SCGB2B2: variants seen among roughly 807,000 people sequenced by gnomAD.
SCGB2B2 encodes secretoglobin family 2B member 2.
SCGB2B2 carries 11 observed loss-of-function variants against 7.6 expected under a neutral mutation model. That is an observed-to-expected ratio of 1.45 (90% CI 0.91 to 2.40). The LOEUF (loss-of-function observed/expected upper bound fraction) is 2.40, where lower values mean the gene tolerates loss of function less well. SCGB2B2 is among the 30% of genes most tolerant of loss of function. The probability of loss-of-function intolerance (pLI) is 0.00; values close to 1 mark genes in which losing one functional copy is unlikely to be tolerated. For missense variants in SCGB2B2, 104 were observed against 115.4 expected (o/e 0.90, Z 0.45); for synonymous variants, 50 against 48.6 (o/e 1.03, Z -0.12).
At chr19:34,602,261 GT>G (rs2065647181) in intron 1 of SCGB2B2, among the ~76,000 whole-genome samples, 1 of 152,120 alleles carries the variant, frequency 6.6e-6, no homozygotes. Context: ...ATTTTTCAAT[GT>G]GAAACCTGGC....
intron 1 of SCGB2B2, among the ~76,000 whole-genome samples, chr19:34,634,422 G>C (rs533230923): frequency 5.0e-4 from 76 of 152,304 alleles, no homozygotes; most frequent in African/African-American, 1.8e-3. Context: ...TCAGGTAAGA[G>C]CCTTGGGCAG....
At chr19:34,655,320 G>T (rs557326595) in intron 1 of SCGB2B2, among the ~76,000 whole-genome samples, 1 of 151,156 alleles carries the variant, frequency 6.6e-6, no homozygotes, top group Non-Finnish European at 1.5e-5. Context: ...AAATCTATTC[G>T]TTCTGAAGCC....
At chr19:34,605,176 T>C (rs1166549282) in intron 1 of SCGB2B2, among the ~76,000 whole-genome samples, 1 of 152,238 alleles carries the variant, frequency 6.6e-6, no homozygotes, top group African/African-American at 2.4e-5. Context: ...CTTATAATCT[T>C]TTGGCTTCAT....
At chr19:34,667,386 G>A (rs1333705254) in intron 1 of SCGB2B2, among the ~76,000 whole-genome samples, 5 of 151,694 alleles carry the variant, frequency 3.3e-5, no homozygotes, top group African/African-American at 9.7e-5. Flanking sequence ...CAGGCACCTC[G>A]AATCTCTGCC....
intron 1 of SCGB2B2, among the ~76,000 whole-genome samples, chr19:34,649,390 T>C (rs559848920): frequency 6.6e-6 from 1 of 152,338 alleles, no homozygotes; most frequent in African/African-American, 2.4e-5. Context: ...GTTTGGAGTT[T>C]CAGTGTTAAC....
chr19:34,673,655 T>C (rs2067854623), intron 1 of SCGB2B2, among the ~76,000 whole-genome samples: 1 of 152,176 alleles, frequency 6.6e-6, no homozygotes. Context: ...ATTATTACAG[T>C]ATTCATTTAA....
chr19:34,631,867 T>G (rs1257028110), intron 1 of SCGB2B2: 1 of 152,104 alleles, frequency 6.6e-6, no homozygotes, highest in Non-Finnish European at 1.5e-5. Context: ...AGGAATACAT[T>G]GCCTGATTTA....
intron 1 of SCGB2B2, among the ~76,000 whole-genome samples, chr19:34,672,816 C>T (rs1450304112): frequency 2.0e-5 from 3 of 152,152 alleles, no homozygotes; most frequent in Non-Finnish European, 2.9e-5. Context: ...CTTCCATAAC[C>T]TCACATGGCA....
At position 34,594,322 on chromosome 19, in the gene SCGB2B2, A is replaced by T; in HGVS notation, c.99T>A (p.Asn33Lys). The change falls in exon 3 of 4, where the codon AAT becomes AAA. Residue 33 changes from asparagine to lysine, a missense_variant. Asn to Lys is a moderately conservative substitution (Grantham distance 94). Transcript: ENST00000601241. ...GGTCTTGGGACACATCAAACACAACATTCGCAAGCAGTTTATCGATATCCA... is the reference window on the plus strand; with the variant it reads ...GGTCTTGGGACACATCAAACACAACTTTCGCAAGCAGTTTATCGATATCCA... Reference protein sequence around the residue: ...ACLDIDKLLANVVFDVSQDLL... With the variant: ...ACLDIDKLLAKVVFDVSQDLL... The T allele has an allele frequency of 6.2e-7, 1 of 1,614,162 alleles. No individual in the cohort carries two copies. The highest frequency in any genetic ancestry group is 8.5e-7 in the Non-Finnish European group (1 of 1,180,014).
intron 1 of SCGB2B2, among the ~76,000 whole-genome samples, chr19:34,598,760 C>A (rs1400996570): frequency 6.6e-6 from 1 of 152,224 alleles, no homozygotes; most frequent in African/African-American, 2.4e-5. Context: ...TGAGACAGGG[C>A]TGGGGCTGGT....
intron 1 of SCGB2B2, among the ~76,000 whole-genome samples, chr19:34,597,727 GACA>G (rs985170999): frequency 2.0e-4 from 30 of 152,226 alleles, no homozygotes; most frequent in African/African-American, 6.0e-4. Context: ...TCAGAGGGAA[GACA>G]ACAATTATTT....
At chr19:34,664,126 A>G (rs1241616470) in intron 1 of SCGB2B2, among the ~76,000 whole-genome samples, 1 of 152,174 alleles carries the variant, frequency 6.6e-6, no homozygotes, top group Non-Finnish European at 1.5e-5. Flanking sequence ...CTCCTCCCCT[A>G]GTGTCAACCT....
intron 1 of SCGB2B2, among the ~76,000 whole-genome samples, chr19:34,622,978 T>C (rs972550054): frequency 1.4e-4 from 22 of 151,854 alleles, no homozygotes; most frequent in African/African-American, 4.1e-4. Flanking sequence ...GGTTTGGCTA[T>C]AGTCCTTTGT....
chr19:34,596,502 G>A lies in SCGB2B2; in HGVS notation c.-1939C>T, dbSNP rs2065459394. ...CTGGCAGGATTCCACCCACTATGTG[G>A]GGTGGAGGGTCTGTGATTATATGAA... On this transcript the variant is annotated 5_prime_UTR_variant, in exon 2 of 4. Coordinates refer to ENST00000601241, the MANE Select transcript of SCGB2B2 (RefSeq NM_001025591.4). 1 of 152,526 alleles carries A rather than the reference G, an allele frequency of 6.6e-6. No individual in the cohort carries two copies. Among genetic ancestry groups the A allele is most frequent in the Non-Finnish European group, 1.5e-5 (1 of 68,138 alleles). The allele number at this position is 152,526 out of a possible 1,614,324, so 9.4% of individuals were successfully genotyped here. A position where few individuals can be genotyped will look rare whatever the true frequency, so the allele number is the denominator to read the frequency against.
intron 1 of SCGB2B2, among the ~76,000 whole-genome samples, chr19:34,673,083 C>G (rs2067840948): frequency 6.6e-6 from 1 of 152,180 alleles, no homozygotes; most frequent in Admixed American, 6.5e-5. Context: ...AAAATGTGCC[C>G]TTGACCAGAT....
chr19:34,645,541 G>GAC (rs112676925), intron 1 of SCGB2B2: 154 of 17,838 alleles, frequency 8.6e-3, no homozygotes, highest in East Asian at 0.033. Flanking sequence ...CACAGACACA[G>GAC]ACACACACAC....
intron 1 of SCGB2B2, among the ~76,000 whole-genome samples, chr19:34,627,181 T>TGAC (rs2066402734): frequency 6.6e-6 from 1 of 152,010 alleles, no homozygotes; most frequent in African/African-American, 2.4e-5. Context: ...CCATCAATGA[T>TGAC]AGGAAGAAAC....
chr19:34,587,654 G>C (rs1312124257), downstream of SCGB2B2, among the ~76,000 whole-genome samples: 5 of 152,184 alleles, frequency 3.3e-5, no homozygotes, highest in Non-Finnish European at 7.3e-5. Flanking sequence ...ACTATGATGT[G>C]AATAGGCTGT....
chr19:34,645,637 C>G, intron 1 of SCGB2B2: 2 of 329,500 alleles, frequency 6.1e-6, no homozygotes, highest in Non-Finnish European at 1.2e-5. Context: ...CCTGCCTCTG[C>G]CTGCTGGGAC....
Sources: gnomAD v4.1 joint callset for allele counts (sites outside exome capture counted in the v4.1 genomes callset) on GRCh38, gnomAD v4.1.1 for gene constraint, MANE v1.5 for transcripts, NCBI Gene and HGNC (gene_info 2026-07-23, HGNC 2026-07-21) for gene names.